Variants in SHISA9 observed in about 807,000 individuals in gnomAD.
The protein encoded by SHISA9 is shisa family member 9.
SHISA9 carries 13 observed loss-of-function variants against 38.0 expected under a neutral mutation model. The observed-to-expected ratio is 0.34, with a 90% CI of 0.22 to 0.54. SHISA9 has a LOEUF of 0.54. Among genes scored for constraint, SHISA9 ranks in the 20% least tolerant of loss-of-function variants. SHISA9 has a pLI of 0.91. For synonymous variants in SHISA9, 275 were observed against 242.0 expected (o/e 1.14, Z -1.27); for missense variants, 538 against 575.8 (o/e 0.93, Z 0.67).
chr16:12,926,698 A>T lies in SHISA9; in HGVS notation c.691+9883A>T, dbSNP rs140744095. Among the ~76,000 whole-genome samples, 29 of 152,280 alleles carry T rather than the reference A, an allele frequency of 1.9e-4. 1 individual carries two copies. In the East Asian group the frequency reaches 5.0e-3, roughly 26 times the overall value. Reference sequence around the variant, plus strand: ...TAGTGCCTGGTAACATTGGGGCTAGAAGGGAGGGAAGAGATACTAGGATGG... The same window carrying T: ...TAGTGCCTGGTAACATTGGGGCTAGTAGGGAGGGAAGAGATACTAGGATGG... On this transcript the variant is annotated intron_variant, in intron 2 of 4. Transcript: ENST00000558583.
intron 2 of SHISA9, among the ~76,000 whole-genome samples, chr16:12,975,656 C>CGGG (rs139081896): frequency 1.9e-4 from 21 of 109,576 alleles, no homozygotes; most frequent in African/African-American, 7.4e-4. Context: ...GGGACGGGGG[C>CGGG]GGGGGGGGTA....
chr16:13,312,410 C>T, the SHISA9 span, among the ~76,000 whole-genome samples: 1 of 152,196 alleles, frequency 6.6e-6, no homozygotes, highest in Non-Finnish European at 1.5e-5. Context: ...CTGTCCCCCC[C>T]TCAGTCATGG....
intron 1 of SHISA9, among the ~76,000 whole-genome samples, chr16:12,914,580 C>T (rs926537088): frequency 9.2e-5 from 14 of 152,128 alleles, no homozygotes; most frequent in African/African-American, 3.4e-4. Context: ...ATATGGGGCT[C>T]TTGCTGTTGT....
chr16:12,937,071 T>C (rs2141751871), intron 2 of SHISA9, among the ~76,000 whole-genome samples: 1 of 152,266 alleles, frequency 6.6e-6, no homozygotes, highest in South Asian at 2.1e-4. Flanking sequence ...CCTTCCCCTG[T>C]GTTGTACAAG....
the SHISA9 span, among the ~76,000 whole-genome samples, chr16:13,289,366 G>T: frequency 6.6e-6 from 1 of 151,530 alleles, no homozygotes; most frequent in East Asian, 2.0e-4. Flanking sequence ...TGGTTGGTGG[G>T]GGGGCGGGAG....
intron 2 of SHISA9, among the ~76,000 whole-genome samples, chr16:13,182,157 A>G (rs1454863538): frequency 6.6e-6 from 1 of 152,212 alleles, no homozygotes; most frequent in Admixed American, 6.5e-5. Flanking sequence ...TTGCCATAGT[A>G]TCTCTCATTT....
intron 4 of SHISA9, among the ~76,000 whole-genome samples, chr16:13,227,157 T>C (rs204031): frequency 0.78 from 119,346 of 152,120 alleles, 47,092 homozygotes; most frequent in Middle Eastern, 0.85. Flanking sequence ...CTTCTGTTTC[T>C]GATTGTCTTT....
chr16:13,414,221 G>A, the SHISA9 span, among the ~76,000 whole-genome samples: 1 of 152,114 alleles, frequency 6.6e-6, no homozygotes, highest in Admixed American at 6.5e-5. Context: ...TAAACAGGAG[G>A]AAAACAAACC....
chr16:13,205,318 C>G (rs2051053682), intron 3 of SHISA9, among the ~76,000 whole-genome samples: 1 of 152,222 alleles, frequency 6.6e-6, no homozygotes. Flanking sequence ...TGAATTTCCT[C>G]TTCTAATGAC....
chr16:13,551,080 C>G, the SHISA9 span, among the ~76,000 whole-genome samples: 3 of 150,726 alleles, frequency 2.0e-5, no homozygotes, highest in Non-Finnish European at 4.4e-5. Flanking sequence ...GCCGAGATCA[C>G]GCCACTGCAC....
intron 2 of SHISA9, among the ~76,000 whole-genome samples, chr16:12,935,807 C>A (rs1423879948): frequency 6.6e-6 from 1 of 150,726 alleles, no homozygotes; most frequent in Non-Finnish European, 1.5e-5. Flanking sequence ...AGAGATTGTG[C>A]CACTGTACTC....
intron 2 of SHISA9, among the ~76,000 whole-genome samples, chr16:13,185,546 G>A (rs1404703350): frequency 2.0e-5 from 3 of 152,158 alleles, no homozygotes; most frequent in African/African-American, 7.2e-5. Context: ...ATTTGGCATA[G>A]GAGGGATTAC....
the SHISA9 span, among the ~76,000 whole-genome samples, chr16:13,290,510 A>G: frequency 6.6e-6 from 1 of 152,016 alleles, no homozygotes; most frequent in Non-Finnish European, 1.5e-5. Context: ...GCTGCCAATT[A>G]AGTAGTGATG....
At chr16:13,055,973 T>C (rs138511541) in intron 2 of SHISA9, among the ~76,000 whole-genome samples, 1 of 152,252 alleles carries the variant, frequency 6.6e-6, no homozygotes, top group Non-Finnish European at 1.5e-5. Flanking sequence ...ATGTCACACA[T>C]GTGGTTTTCA....
At chr16:13,022,150 G>C (rs759113744) in intron 2 of SHISA9, among the ~76,000 whole-genome samples, 21 of 151,872 alleles carry the variant, frequency 1.4e-4, no homozygotes, top group Non-Finnish European at 2.6e-4. Flanking sequence ...ATCTCCCCCT[G>C]CCTTACTTTT....
chr16:13,350,598 C>G, the SHISA9 span: 1 of 152,228 alleles, frequency 6.6e-6, no homozygotes, highest in Admixed American at 6.5e-5. Flanking sequence ...CCTCTGAAAG[C>G]CACGCTTGGG....
chr16:13,182,923 G>T (rs575428764), intron 2 of SHISA9, among the ~76,000 whole-genome samples: 1 of 152,322 alleles, frequency 6.6e-6, no homozygotes, highest in South Asian at 2.1e-4. Context: ...ACAGTGACTG[G>T]AGCAGAAGTC....
At chr16:13,527,722 G>C in the SHISA9 span, among the ~76,000 whole-genome samples, 1 of 152,064 alleles carries the variant, frequency 6.6e-6, no homozygotes, top group Admixed American at 6.5e-5. Flanking sequence ...TCTTGGGCTC[G>C]GTGAGAAACC....
In SHISA9 at chr16:13,170,064, G is replaced by A. The variant is rs147052043; in HGVS notation, c.692-33330G>A. Among the ~76,000 whole-genome samples, 18 of 151,964 alleles carry A rather than the reference G, an allele frequency of 1.2e-4. No homozygotes were observed. The East Asian group carries it at 1.5e-3, about 13-fold the overall frequency. The stretch of plus-strand genomic sequence containing the variant: ...CTAAAAATATAAAAATTAGCCAAGC[G>A]TGTTGGTGTATGCCTGTAATCCCAG... On this transcript the variant is annotated intron_variant, in intron 2 of 4. Coordinates refer to ENST00000558583, the MANE Select transcript of SHISA9 (RefSeq NM_001145204.3).
Sources: gnomAD v4.1 joint callset for allele counts (sites outside exome capture counted in the v4.1 genomes callset) on GRCh38, gnomAD v4.1.1 for gene constraint, MANE v1.5 for transcripts, NCBI Gene and HGNC (gene_info 2026-07-23, HGNC 2026-07-21) for gene names.